KIAA1328: variants seen among roughly 807,000 people sequenced by gnomAD.
KIAA1328 encodes the protein KIAA1328, also known as protein hinderin.
In KIAA1328, 52 loss-of-function variants were observed where a neutral mutation model predicts 68.1. That is an observed-to-expected ratio of 0.76 (90% CI 0.61 to 0.96). The LOEUF is 0.96. KIAA1328 is among the 40% of genes least tolerant of loss of function. KIAA1328 has a pLI of 0.00. For missense variants in KIAA1328, 641 were observed against 677.6 expected, an observed-to-expected ratio of 0.95 and a Z score of 0.60; for synonymous variants, 232 against 239.4, an observed-to-expected ratio of 0.97 and a Z score of 0.28.
intron 6 of KIAA1328, among the ~76,000 whole-genome samples, chr18:36,960,874 A>G (rs1259893480): frequency 6.6e-6 from 1 of 152,218 alleles, no homozygotes; most frequent in African/African-American, 2.4e-5. Flanking sequence ...AAAGCAGAGA[A>G]GCTGAAAATT....
intron 5 of KIAA1328, among the ~76,000 whole-genome samples, chr18:36,890,949 A>G (rs1323385682): frequency 6.6e-6 from 1 of 152,226 alleles, no homozygotes; most frequent in Non-Finnish European, 1.5e-5. Flanking sequence ...CCTCATAAAG[A>G]AGAGCCGAGA....
chr18:37,169,357 G>T (rs2059454299), intron 8 of KIAA1328, among the ~76,000 whole-genome samples: 1 of 151,786 alleles, frequency 6.6e-6, no homozygotes, highest in Non-Finnish European at 1.5e-5. Context: ...AGTAGATATG[G>T]GGTTTCACTA....
chr18:37,159,589 G>A (rs2059232218), intron 7 of KIAA1328, among the ~76,000 whole-genome samples: 1 of 151,990 alleles, frequency 6.6e-6, no homozygotes, highest in African/African-American at 2.4e-5. Flanking sequence ...GCTAATGGTG[G>A]GAACACGGTT....
rs193287299 is a variant in KIAA1328 at position 36,973,880 on chromosome 18, G to A, written c.576+14445G>A. Among the ~76,000 whole-genome samples, 83 of 146,664 alleles carry A rather than the reference G, an allele frequency of 5.7e-4. 1 individual carries two copies. The highest frequency in any genetic ancestry group is 2.0e-4 in the East Asian group (1 of 5,016). On this transcript the variant is annotated intron_variant, in intron 6 of 9. Transcript: ENST00000280020. ...ATATCTTCAAAAATTCTATTTTTCAGTGTAATCTAGACCTTAATACCTGGT... is the reference window on the plus strand; with the variant it reads ...ATATCTTCAAAAATTCTATTTTTCAATGTAATCTAGACCTTAATACCTGGT...
intron 7 of KIAA1328, among the ~76,000 whole-genome samples, chr18:37,105,771 A>G (rs1018049937): frequency 3.3e-5 from 5 of 151,382 alleles, no homozygotes; most frequent in African/African-American, 1.2e-4. Flanking sequence ...ACAAAAATTA[A>G]CTTGGCTTGG....
chr18:37,143,794 G>T (rs1358854065), intron 7 of KIAA1328, among the ~76,000 whole-genome samples: 1 of 151,534 alleles, frequency 6.6e-6, no homozygotes, highest in African/African-American at 2.4e-5. Flanking sequence ...ATGTGGTTTT[G>T]CTCCTTTTTT....
intron 5 of KIAA1328, among the ~76,000 whole-genome samples, chr18:36,912,280 C>T (rs2049483882): frequency 6.6e-6 from 1 of 152,078 alleles, no homozygotes; most frequent in African/African-American, 2.4e-5. Flanking sequence ...GGACTGTTAC[C>T]CTTCTGGAGG....
chr18:36,886,411 TG>T (rs1375528144), intron 5 of KIAA1328: 1 of 152,174 alleles, frequency 6.6e-6, no homozygotes, highest in Non-Finnish European at 1.5e-5. Flanking sequence ...ACTGTATAGA[TG>T]TTGTAATTGG....
At chr18:37,084,195 C>T in intron 7 of KIAA1328, 2 of 1,526,622 alleles carry the variant, frequency 1.3e-6, no homozygotes, top group Non-Finnish European at 1.8e-6. Context: ...ACCCCAAGAA[C>T]TCAAACTGGA....
intron 4 of KIAA1328, among the ~76,000 whole-genome samples, chr18:36,869,955 C>T (rs548462140): frequency 2.0e-4 from 30 of 152,152 alleles, no homozygotes; most frequent in Non-Finnish European, 3.5e-4. Context: ...CTCTGCCTCC[C>T]GGGTTCAAGA....
chr18:37,225,119 G>C lies in KIAA1328; in HGVS notation c.*2892G>C. ...CACTTGTCCCTGCTTCCGGCACCAA[G>C]TTCATAATAGAGATCTTCTGGCCAG... On this transcript the variant is annotated 3_prime_UTR_variant, in exon 10 of 10. Coordinates refer to ENST00000280020, the MANE Select transcript of KIAA1328 (RefSeq NM_020776.3). 1.0e-6 allele frequency: 1 copy of C among 985,148 alleles called. No individual in the cohort carries two copies. Among genetic ancestry groups the C allele is most frequent in the Non-Finnish European group, 1.2e-6 (1 of 829,874 alleles). 61.0% of individuals were successfully genotyped at this position (985,148 alleles called of 1,614,324 possible). A position where few individuals can be genotyped will look rare whatever the true frequency, so the allele number is the denominator to read the frequency against.
At chr18:37,045,947 T>C (rs1390621165) in intron 6 of KIAA1328, among the ~76,000 whole-genome samples, 1 of 152,236 alleles carries the variant, frequency 6.6e-6, no homozygotes, top group Non-Finnish European at 1.5e-5. Context: ...TGCAAGTCTA[T>C]GTGTTCACCT....
intron 5 of KIAA1328, among the ~76,000 whole-genome samples, chr18:36,893,307 G>A (rs548751551): frequency 2.0e-5 from 3 of 151,972 alleles, no homozygotes; most frequent in African/African-American, 4.8e-5. Flanking sequence ...GAATCTTGCT[G>A]TGTCGCCTAG....
At chr18:36,956,956 T>G (rs922337763) in intron 5 of KIAA1328, among the ~76,000 whole-genome samples, 2 of 152,280 alleles carry the variant, frequency 1.3e-5, no homozygotes, top group Middle Eastern at 3.4e-3. Flanking sequence ...ATTTATACTA[T>G]TGTTGTTATT....
intron 8 of KIAA1328, among the ~76,000 whole-genome samples, chr18:37,166,496 T>C (rs1431445724): frequency 1.3e-5 from 2 of 152,134 alleles, no homozygotes; most frequent in Non-Finnish European, 2.9e-5. Context: ...TCCAAGACAG[T>C]TCTCCCAAGG....
chr18:37,059,730 A>G (rs534183010), intron 6 of KIAA1328, among the ~76,000 whole-genome samples: 1 of 152,338 alleles, frequency 6.6e-6, no homozygotes, highest in Non-Finnish European at 1.5e-5. Flanking sequence ...CTATAAAGAC[A>G]CATGCATATG....
chr18:36,961,466 C>A (rs2151279365), intron 6 of KIAA1328, among the ~76,000 whole-genome samples: 1 of 152,216 alleles, frequency 6.6e-6, no homozygotes, highest in Middle Eastern at 3.4e-3. Context: ...ATACAGAGAA[C>A]ACCACAAAGA....
intron 7 of KIAA1328, among the ~76,000 whole-genome samples, chr18:37,092,841 CTG>C (rs2057303371): frequency 6.6e-6 from 1 of 152,210 alleles, no homozygotes; most frequent in Admixed American, 6.5e-5. Flanking sequence ...GCCCAAATAA[CTG>C]TTGCCACTGT....
intron 9 of KIAA1328, among the ~76,000 whole-genome samples, chr18:37,199,602 T>C (rs773457999): frequency 3.3e-5 from 5 of 152,194 alleles, no homozygotes. Context: ...TTCTTTTGGG[T>C]ATATACCCAG....
Sources: allele counts gnomAD v4.1 joint callset (sites outside exome capture counted in the v4.1 genomes callset), GRCh38; gene constraint gnomAD v4.1.1; transcripts MANE v1.5; gene names NCBI Gene and HGNC (gene_info 2026-07-23, HGNC 2026-07-21).